The following DLC1 variants were observed in gnomAD, a reference collection of about 807,000 sequenced individuals.
The protein encoded by DLC1 is DLC1 Rho GTPase activating protein.
Under a neutral mutation model 140.3 loss-of-function variants are expected in DLC1, and 54 were observed. That is an observed-to-expected ratio of 0.38 (90% CI 0.31 to 0.48). The LOEUF (loss-of-function observed/expected upper bound fraction) is 0.48. Ranked by LOEUF, DLC1 falls within the 20% of genes least tolerant of loss-of-function variation. DLC1 has a pLI of 0.96. For missense variants in DLC1, 2,536 were observed against 1,907.0 expected, an observed-to-expected ratio of 1.33 and a Z score of -6.14; for synonymous variants, 986 against 728.1, an observed-to-expected ratio of 1.35 and a Z score of -5.70.
intron 5 of DLC1, among the ~76,000 whole-genome samples, chr8:13,147,295 G>T (rs1159958617): frequency 6.6e-6 from 1 of 152,154 alleles, no homozygotes; most frequent in Non-Finnish European, 1.5e-5. Flanking sequence ...GATGAATGAA[G>T]CACCAGTGAA....
At chr8:13,521,728 C>A (rs1481251389) in intron 1 of DLC1, among the ~76,000 whole-genome samples, 1 of 152,116 alleles carries the variant, frequency 6.6e-6, no homozygotes, top group Non-Finnish European at 1.5e-5. Context: ...TGTGACAAAG[C>A]CTCGTGTCCT....
rs531822750 is a variant in DLC1 at position 13,354,826 on chromosome 8, G to C, written c.1314+38727C>G. On this transcript the variant is annotated intron_variant, in intron 4 of 17. Transcript: ENST00000276297. Reference sequence around the variant, plus strand: ...TAGCTGGGCATGGTGGTACATGCCTGTAATCCCAGCTGTTGGGGAAGCTGA... The same window carrying C: ...TAGCTGGGCATGGTGGTACATGCCTCTAATCCCAGCTGTTGGGGAAGCTGA... Among the ~76,000 whole-genome samples, 12 of 151,522 alleles carry C rather than the reference G, an allele frequency of 7.9e-5. No homozygotes were observed. In the East Asian group the frequency reaches 2.3e-3, roughly 30 times the overall value.
intron 5 of DLC1, among the ~76,000 whole-genome samples, chr8:13,207,770 G>C (rs1304142216): frequency 1.3e-5 from 2 of 152,124 alleles, no homozygotes; most frequent in African/African-American, 4.8e-5. Flanking sequence ...ACAGTTGGTA[G>C]AAGCCAGGGG....
intron 3 of DLC1, among the ~76,000 whole-genome samples, chr8:13,395,128 T>C (rs1208743868): frequency 2.1e-4 from 1 of 4,820 alleles, no homozygotes; most frequent in African/African-American, 6.0e-4. Flanking sequence ...TATAATTCTT[T>C]TTTTTTTTTT....
At position 13,450,244 on chromosome 8, in the gene DLC1, C is replaced by T. The variant is rs998476094; in HGVS notation, c.1024-48625G>A. 4.0e-5 allele frequency among the ~76,000 whole-genome samples: 6 copies of T among 151,892 alleles called. 1 individual carries two copies. In the South Asian group the frequency reaches 8.3e-4, roughly 21 times the overall value. ...CTGAGGCAGGTGGATCACCTGAGGT[C>T]AGGAGTTCGAGACCAGTCTGGCCAA... On this transcript the variant is annotated intron_variant, in intron 2 of 17. Transcript: ENST00000276297.
chr8:13,350,256 T>C (rs1377242618), intron 4 of DLC1, among the ~76,000 whole-genome samples: 1 of 152,156 alleles, frequency 6.6e-6, no homozygotes, highest in Non-Finnish European at 1.5e-5. Flanking sequence ...ATAACTCCCT[T>C]ATCTCGATAT....
chr8:13,281,722 T>C (rs1367559724), intron 5 of DLC1, among the ~76,000 whole-genome samples: 1 of 152,130 alleles, frequency 6.6e-6, no homozygotes, highest in Admixed American at 6.6e-5. Flanking sequence ...TGAATATATC[T>C]ATATGGGAAG....
intron 6 of DLC1, among the ~76,000 whole-genome samples, chr8:13,114,881 G>A (rs1820418835): frequency 6.6e-6 from 1 of 152,194 alleles, no homozygotes; most frequent in Non-Finnish European, 1.5e-5. Flanking sequence ...ACACAGATTG[G>A]TAAGAGTGAA....
chr8:13,147,656 C>T (rs1418875627), intron 5 of DLC1, among the ~76,000 whole-genome samples: 2 of 152,082 alleles, frequency 1.3e-5, no homozygotes, highest in Non-Finnish European at 2.9e-5. Context: ...CAAGGTACAG[C>T]ATACTTATTA....
chr8:13,546,294 C>A (rs962010424), intron 1 of DLC1, among the ~76,000 whole-genome samples: 1 of 151,886 alleles, frequency 6.6e-6, no homozygotes, highest in African/African-American at 2.4e-5. Context: ...AAAAATAGAC[C>A]AAGATTTCGG....
chr8:13,177,312 G>T (rs895816856), intron 5 of DLC1, among the ~76,000 whole-genome samples: 1 of 152,038 alleles, frequency 6.6e-6, no homozygotes, highest in Non-Finnish European at 1.5e-5. Context: ...AATTTTTATA[G>T]AAAAAGCTAG....
intron 10 of DLC1, among the ~76,000 whole-genome samples, chr8:13,097,204 T>C (rs1048805346): frequency 2.6e-5 from 4 of 152,062 alleles, no homozygotes; most frequent in African/African-American, 4.8e-5. Flanking sequence ...AAAAGTAACC[T>C]GAATTCTTTA....
At chr8:13,134,569 T>C (rs2128966089) in intron 5 of DLC1, among the ~76,000 whole-genome samples, 1 of 152,270 alleles carries the variant, frequency 6.6e-6, no homozygotes, top group Non-Finnish European at 1.5e-5. Flanking sequence ...GAGAATTTAG[T>C]CTCTTAATTA....
intron 5 of DLC1, among the ~76,000 whole-genome samples, chr8:13,126,076 A>G (rs533031312): frequency 1.5e-4 from 23 of 152,182 alleles, no homozygotes; most frequent in African/African-American, 5.1e-4. Flanking sequence ...ACATCAAAAT[A>G]TGTGCTCTTC....
chr8:13,586,245 G>T (rs1805305980), intron 1 of DLC1, among the ~76,000 whole-genome samples: 1 of 152,260 alleles, frequency 6.6e-6, no homozygotes, highest in East Asian at 1.9e-4. Flanking sequence ...GGGCAATTTG[G>T]ATATGGTTTC....
rs551238923 is a variant in DLC1, at chr8:13,238,432, G to A, written c.1348+66837C>T. 1.7e-4 allele frequency among the ~76,000 whole-genome samples: 26 copies of A among 152,044 alleles called. 1 individual carries two copies. In the South Asian group the frequency reaches 5.2e-3, roughly 31 times the overall value. On this transcript the variant is annotated intron_variant, in intron 5 of 17. Transcript: ENST00000276297. Reference sequence around the variant, plus strand: ...GGGAGGTGAGGCAGGAGAATCATTTGAGCTCAAGAGGTGGAGGCTGCAGTG... The same window carrying A: ...GGGAGGTGAGGCAGGAGAATCATTTAAGCTCAAGAGGTGGAGGCTGCAGTG...
intron 1 of DLC1, among the ~76,000 whole-genome samples, chr8:13,565,341 G>C (rs1175538544): frequency 1.3e-5 from 2 of 152,108 alleles, no homozygotes; most frequent in African/African-American, 4.8e-5. Flanking sequence ...CAATGTTATG[G>C]ATAAGATATA....
intron 1 of DLC1, among the ~76,000 whole-genome samples, chr8:13,576,357 AT>A (rs1199193899): frequency 1.3e-5 from 2 of 152,188 alleles, no homozygotes; most frequent in Non-Finnish European, 2.9e-5. Context: ...TTGTATTGCA[AT>A]TTGACCAGAT....
chr8:13,158,142 G>C (rs1824396517), intron 5 of DLC1, among the ~76,000 whole-genome samples: 1 of 152,130 alleles, frequency 6.6e-6, no homozygotes, highest in Non-Finnish European at 1.5e-5. Context: ...TCATCTGTGT[G>C]TCATATAAAA....
Sources: allele counts gnomAD v4.1 joint callset (sites outside exome capture counted in the v4.1 genomes callset), GRCh38; gene constraint gnomAD v4.1.1; transcripts MANE v1.5; gene names NCBI Gene and HGNC (gene_info 2026-07-23, HGNC 2026-07-21).